Variants in SULT1C4 observed in about 807,000 individuals in gnomAD.
The protein encoded by SULT1C4 is sulfotransferase family 1C member 4.
In SULT1C4, 32 loss-of-function variants were observed where a neutral mutation model predicts 34.8. The ratio of observed to expected loss-of-function variants is 0.92; its 90% CI spans 0.69 to 1.23. SULT1C4 has a LOEUF of 1.23. Among genes scored for constraint, SULT1C4 ranks in the 50% most tolerant of loss-of-function variants. SULT1C4 has a pLI of 0.00. For synonymous variants in SULT1C4, 111 were observed against 120.5 expected, an observed-to-expected ratio of 0.92 and a Z score of 0.51; for missense variants, 375 against 365.9, an observed-to-expected ratio of 1.02 and a Z score of -0.20.
chr2:108,386,955 G>A (rs113269919), intron 6 of SULT1C4, among the ~76,000 whole-genome samples: 74 of 152,306 alleles, frequency 4.9e-4, no homozygotes, highest in Non-Finnish European at 1.0e-3. Context: ...GGGCCTCCCA[G>A]AAATAGGCCC....
At chr2:108,379,656 A>G (rs1211613200) in intron 1 of SULT1C4, among the ~76,000 whole-genome samples, 1 of 152,238 alleles carries the variant, frequency 6.6e-6, no homozygotes, top group East Asian at 1.9e-4. Context: ...AATACTTGCC[A>G]TCTAAAGTAA....
intron 3 of SULT1C4, 109 bp from the exon 4 acceptor site, chr2:108,382,984 T>G: frequency 1.4e-5 from 17 of 1,181,966 alleles, no homozygotes; most frequent in Non-Finnish European, 1.9e-5. Flanking sequence ...ATGAACTGTA[T>G]GAAATGTATC....
intron 5 of SULT1C4, among the ~76,000 whole-genome samples, chr2:108,384,626 A>G (rs937323365): frequency 6.6e-6 from 1 of 152,256 alleles, no homozygotes; most frequent in Non-Finnish European, 1.5e-5. Context: ...TGGTAAAGAC[A>G]CTTAACATCT....
chr2:108,378,468 A>C lies in SULT1C4; in HGVS notation c.131A>C (p.Lys44Thr). 1 of 1,614,202 alleles carries C rather than the reference A, an allele frequency of 6.2e-7. No individual in the cohort carries two copies. Among genetic ancestry groups the C allele is most frequent in the South Asian group, 1.1e-5 (1 of 91,084 alleles). ...IWDKIWNFQA[K>T]PDDLLISTYP... ...GATAAGATCTGGAACTTCCAAGCCA[A>C]GCCTGATGACCTGCTTATTTCTACC... Residue 44 changes from lysine (K) to threonine (T), a missense_variant, in exon 1 of 7, where the codon AAG becomes ACG. By Grantham distance (78) the Lys-to-Thr change is moderately conservative (BLOSUM62 -1). Coordinates refer to ENST00000272452, the MANE Select transcript of SULT1C4 (RefSeq NM_006588.4).
chr2:108,382,267 C>A, intron 2 of SULT1C4, 118 bp from the exon 3 acceptor site: 1 of 819,316 alleles, frequency 1.2e-6, no homozygotes, highest in Non-Finnish European at 2.1e-6. Context: ...ACCAGATCTA[C>A]AGTTACAATG....
At chr2:108,380,416 GAAGCA>G (rs1274231443) in intron 1 of SULT1C4, among the ~76,000 whole-genome samples, 1 of 152,120 alleles carries the variant, frequency 6.6e-6, no homozygotes, top group African/African-American at 2.4e-5. Flanking sequence ...TTGGGAGGTT[GAAGCA>G]AGAGGACCAT....
Position 108,386,236 on chromosome 2 carries a change from G to T in SULT1C4, c.660G>T (p.Lys220Asn). The T allele has an allele frequency of 6.4e-7, 1 of 1,556,058 alleles. No individual in the cohort carries two copies. The highest frequency in any genetic ancestry group is 8.7e-7 in the Non-Finnish European group (1 of 1,149,666). The change falls in exon 6 of 7, where the codon AAG becomes AAT. Residue 220 changes from lysine to asparagine, a missense_variant. Lys to Asn is a moderately conservative substitution (Grantham distance 94, BLOSUM62 0). Coordinates refer to ENST00000272452, the MANE Select transcript of SULT1C4 (RefSeq NM_006588.4). ...AGAAGCTGGCAGAATTTATTGGGAA[G>T]AAATTAGATGACAAAGTTCTAGATA... Reference protein sequence around the residue: ...EIQKLAEFIGKKLDDKVLDKI... With the variant: ...EIQKLAEFIGNKLDDKVLDKI...
Position 108,378,219 on chromosome 2 carries a change from C to A in SULT1C4, c.-119C>A. On this transcript the variant is annotated 5_prime_UTR_variant, in exon 1 of 7. Coordinates refer to ENST00000272452, the MANE Select transcript of SULT1C4 (RefSeq NM_006588.4). Reference sequence around the variant, plus strand: ...GTTTGCTGGCCCAGACAGGCCTGTGCTAGAGGGCTGGATAGTGTGGTAGTG... The same window carrying A: ...GTTTGCTGGCCCAGACAGGCCTGTGATAGAGGGCTGGATAGTGTGGTAGTG... 2 of 994,598 alleles carry A rather than the reference C, an allele frequency of 2.0e-6. No homozygotes were observed. The highest frequency in any genetic ancestry group is 3.0e-6 in the Non-Finnish European group (2 of 672,620). The allele number at this position is 994,598 out of a possible 1,614,324, so 61.6% of individuals were successfully genotyped here. A position where few individuals can be genotyped will look rare whatever the true frequency, so the allele number is the denominator to read the frequency against.
chr2:108,383,443 TG>T lies in SULT1C4; in HGVS notation c.549del (p.Gly185AspfsTer19), dbSNP rs1678481357. 6.2e-7 allele frequency: 1 copy of T among 1,614,060 alleles called. No individual in the cohort carries two copies. The highest frequency in any genetic ancestry group is 1.3e-5 in the African/African-American group (1 of 74,918). On this transcript the variant is annotated frameshift_variant, in exon 5 of 7. Coordinates refer to ENST00000272452, the MANE Select transcript of SULT1C4 (RefSeq NM_006588.4). LOFTEE classifies it high-confidence loss of function. ...TGCTGGGGCTCCTGGCATGAACATGTGAAAGGATGGTGGGAAGCCAAAGACA... is the reference window on the plus strand; with the variant it reads ...TGCTGGGGCTCCTGGCATGAACATGTAAAGGATGGTGGGAAGCCAAAGACA... ...KVCWGSWHEH[V>X]KGWWEAKDKH...
intron 2 of SULT1C4, 90 bp downstream of exon 2, chr2:108,381,977 A>C: frequency 1.5e-6 from 2 of 1,326,100 alleles, no homozygotes; most frequent in Non-Finnish European, 2.0e-6. Flanking sequence ...TAGGCTTTCA[A>C]ACAATTATTG....
intron 2 of SULT1C4, 43 bp from the exon 3 acceptor site, chr2:108,382,342 T>G (rs34003233): frequency 0.026 from 37,087 of 1,410,456 alleles, 2,229 homozygotes; most frequent in African/African-American, 0.24. Context: ...AGCAAATAGA[T>G]AAAAAAAAAA....
chr2:108,383,101 T>A lies in SULT1C4; in HGVS notation c.402T>A (p.Tyr134Ter), dbSNP rs755745872. ...CCCCTCATCATTCCCAGATAATCTA[T>A]GTAGCAAGAAATCCCAAGGACAACA... Reference protein sequence around the residue: ...SLLEKNCKIIYVARNPKDNMV... With the variant: ...SLLEKNCKII Residue 134 changes from tyrosine to a stop codon, truncating the protein, a stop_gained, in exon 4 of 7, where the codon TAT (tyrosine) becomes TAA (stop). Coordinates refer to ENST00000272452, the MANE Select transcript of SULT1C4 (RefSeq NM_006588.4). LOFTEE classifies it high-confidence loss of function. 1 of 1,593,292 alleles carries A rather than the reference T, an allele frequency of 6.3e-7. No homozygotes were observed.
At chr2:108,380,958 G>C (rs573354202) in intron 1 of SULT1C4, among the ~76,000 whole-genome samples, 2 of 152,200 alleles carry the variant, frequency 1.3e-5, no homozygotes, top group Non-Finnish European at 2.9e-5. Context: ...AGATATGGGG[G>C]AAACAGAGAA....
intron 5 of SULT1C4, 58 bp from the exon 6 acceptor site, chr2:108,386,134 A>G (rs535362158): frequency 1.6e-6 from 2 of 1,279,100 alleles, no homozygotes; most frequent in Admixed American, 2.9e-5. Context: ...ATCCATCATA[A>G]TATTCTTTTT....
chr2:108,384,646 A>C (rs1461290137), intron 5 of SULT1C4, among the ~76,000 whole-genome samples: 1 of 152,244 alleles, frequency 6.6e-6, no homozygotes, highest in Admixed American at 6.5e-5. Context: ...TTGGGAAATT[A>C]GTTTTCTTAA....
At chr2:108,380,538 C>T (rs1356959403) in intron 1 of SULT1C4, among the ~76,000 whole-genome samples, 1 of 151,998 alleles carries the variant, frequency 6.6e-6, no homozygotes, top group African/African-American at 2.4e-5. Context: ...ATAAAAAAAG[C>T]CATCCTAAAA....
intron 1 of SULT1C4, among the ~76,000 whole-genome samples, chr2:108,380,497 G>C (rs986495675): frequency 1.3e-5 from 2 of 152,148 alleles, no homozygotes; most frequent in African/African-American, 4.8e-5. Context: ...CTGGGCAACA[G>C]AGCAAGACCC....
At chr2:108,380,374 G>T (rs955648969) in intron 1 of SULT1C4, among the ~76,000 whole-genome samples, 4 of 151,996 alleles carry the variant, frequency 2.6e-5, no homozygotes, top group Non-Finnish European at 5.9e-5. Context: ...AATTAGCCAG[G>T]CATGGTGGTG....
intron 3 of SULT1C4, chr2:108,382,847 G>A: frequency 3.1e-6 from 1 of 323,830 alleles, no homozygotes; most frequent in South Asian, 5.7e-5. Flanking sequence ...AGGTTGCAGT[G>A]AGCCAAGATA....
Sources: allele counts gnomAD v4.1 joint callset (sites outside exome capture counted in the v4.1 genomes callset), GRCh38; gene constraint gnomAD v4.1.1; transcripts MANE v1.5; gene names NCBI Gene and HGNC (gene_info 2026-07-23, HGNC 2026-07-21).